IGSF11: variants seen among roughly 807,000 people sequenced by gnomAD.
The protein encoded by IGSF11 is immunoglobulin superfamily member 11.
Under a neutral mutation model 41.0 loss-of-function variants are expected in IGSF11, and 22 were observed. The observed-to-expected ratio is 0.54, with a 90% CI of 0.38 to 0.77. The LOEUF is 0.77. IGSF11 is among the 30% of genes least tolerant of loss of function. The pLI, the probability that IGSF11 is intolerant of heterozygous loss-of-function variation, is 0.00. For missense variants in IGSF11, 444 were observed against 530.8 expected, an observed-to-expected ratio of 0.84 and a Z score of 1.61; for synonymous variants, 219 against 201.3, an observed-to-expected ratio of 1.09 and a Z score of -0.74.
chr3:118,942,955 CAA>C (rs1437045017), intron 1 of IGSF11: 2 of 152,304 alleles, frequency 1.3e-5, no homozygotes, highest in Admixed American at 1.3e-4. Context: ...AGTTCCTTGA[CAA>C]GAGGAGATGC....
At chr3:119,065,792 CAAAAAAAAAA>C (rs1193374379) in intron 1 of IGSF11, among the ~76,000 whole-genome samples, 2 of 56,742 alleles carry the variant, frequency 3.5e-5, no homozygotes, top group Non-Finnish European at 7.5e-5. Context: ...GACTCTGTCT[CAAAAAAAAAA>C]AAAAAAAAAA....
chr3:119,075,628 T>C (rs1044935551), intron 1 of IGSF11, among the ~76,000 whole-genome samples: 3 of 152,170 alleles, frequency 2.0e-5, no homozygotes, highest in Non-Finnish European at 2.9e-5. Context: ...CTAATCCCAC[T>C]GTAATCAAGT....
chr3:119,079,798 C>T (rs751681519), intron 1 of IGSF11, among the ~76,000 whole-genome samples: 3 of 152,108 alleles, frequency 2.0e-5, no homozygotes, highest in African/African-American at 2.4e-5. Flanking sequence ...CATCAAATAC[C>T]GCATGTTCTC....
intron 1 of IGSF11, among the ~76,000 whole-genome samples, chr3:119,055,279 T>A (rs1485441090): frequency 1.3e-5 from 2 of 151,970 alleles, no homozygotes; most frequent in Admixed American, 6.6e-5. Context: ...CCTCTCCTCC[T>A]CCAAAGGAAT....
At chr3:119,070,198 C>G (rs2076374224) in intron 1 of IGSF11, among the ~76,000 whole-genome samples, 1 of 152,142 alleles carries the variant, frequency 6.6e-6, no homozygotes, top group African/African-American at 2.4e-5. Context: ...TAACCCCAGG[C>G]CCTCAGCAAG....
chr3:119,035,124 C>A (rs1197474555), upstream of IGSF11, among the ~76,000 whole-genome samples: 1 of 152,184 alleles, frequency 6.6e-6, no homozygotes, highest in African/African-American at 2.4e-5. Context: ...GGAGTTAGGG[C>A]CCCTCCCTTG....
intron 1 of IGSF11, among the ~76,000 whole-genome samples, chr3:118,971,596 G>A (rs35873): frequency 6.6e-6 from 1 of 151,894 alleles, no homozygotes; most frequent in Admixed American, 6.6e-5. Context: ...CGAGGTCAGG[G>A]GTTCAAGACC....
At chr3:119,050,662 T>C (rs1278861560) in intron 1 of IGSF11, among the ~76,000 whole-genome samples, 35 of 152,008 alleles carry the variant, frequency 2.3e-4, no homozygotes, top group African/African-American at 7.0e-4. Flanking sequence ...ACCCAAAGGG[T>C]TATAAATCAT....
chr3:118,980,614 G>A (rs76583410), intron 1 of IGSF11, among the ~76,000 whole-genome samples: 3,672 of 152,274 alleles, frequency 0.024, 77 homozygotes, highest in East Asian at 0.066. Context: ...ATGTTTGATA[G>A]CAGAGTAGTG....
chr3:119,130,489 G>A (rs1465949133), intron 1 of IGSF11, among the ~76,000 whole-genome samples: 1 of 152,230 alleles, frequency 6.6e-6, no homozygotes. Context: ...TTGCAAGGCT[G>A]CAGCCTGGCG....
intron 1 of IGSF11, among the ~76,000 whole-genome samples, chr3:119,126,498 C>T (rs2077406735): frequency 6.6e-6 from 1 of 152,208 alleles, no homozygotes; most frequent in Non-Finnish European, 1.5e-5. Context: ...CCCCACAAAA[C>T]ACACCCTCTC....
At chr3:119,041,162 T>C (rs1941106100) in intron 1 of IGSF11, among the ~76,000 whole-genome samples, 1 of 152,180 alleles carries the variant, frequency 6.6e-6, no homozygotes, top group South Asian at 2.1e-4. Context: ...ATCAATAAAA[T>C]GTTTAACAAA....
intron 4 of IGSF11, among the ~76,000 whole-genome samples, chr3:118,909,185 G>C (rs1236323878): frequency 2.0e-5 from 3 of 152,122 alleles, no homozygotes; most frequent in Non-Finnish European, 4.4e-5. Flanking sequence ...GATTTGAAGA[G>C]TTAGATAAGA....
chr3:118,929,721 A>G (rs959592534), intron 2 of IGSF11, among the ~76,000 whole-genome samples: 1 of 152,182 alleles, frequency 6.6e-6, no homozygotes, highest in Non-Finnish European at 1.5e-5. Flanking sequence ...TTAAAATACT[A>G]GTGAAATTAA....
At chr3:118,999,047 C>T (rs79873299) in intron 1 of IGSF11, among the ~76,000 whole-genome samples, 2,505 of 151,474 alleles carry the variant, frequency 0.017, 35 homozygotes, top group Middle Eastern at 0.027. Context: ...AATGGGGGTG[C>T]ACTGGGGAAT....
intron 1 of IGSF11, among the ~76,000 whole-genome samples, chr3:119,130,946 A>G (rs1576834439): frequency 1.3e-5 from 2 of 152,180 alleles, no homozygotes; most frequent in Non-Finnish European, 2.9e-5. Context: ...ACTCCAACAG[A>G]CCTGCAGCTG....
chr3:119,125,745 T>G (rs2077395637), intron 1 of IGSF11, among the ~76,000 whole-genome samples: 2 of 152,036 alleles, frequency 1.3e-5, no homozygotes, highest in African/African-American at 2.4e-5. Flanking sequence ...TCATCAAAAT[T>G]GAGTAGAAGG....
chr3:119,000,954 T>C (rs1360506320), intron 1 of IGSF11, among the ~76,000 whole-genome samples: 1 of 152,204 alleles, frequency 6.6e-6, no homozygotes, highest in Non-Finnish European at 1.5e-5. Flanking sequence ...CTGTCTGCTC[T>C]TTCATTGCCC....
intron 1 of IGSF11, among the ~76,000 whole-genome samples, chr3:119,059,021 G>T (rs1202614720): frequency 6.6e-6 from 1 of 151,676 alleles, no homozygotes. Flanking sequence ...TATACCTAAT[G>T]CTAGATGACG....
Sources: gnomAD v4.1 joint callset for allele counts (sites outside exome capture counted in the v4.1 genomes callset) on GRCh38, gnomAD v4.1.1 for gene constraint, MANE v1.5 for transcripts, NCBI Gene and HGNC (gene_info 2026-07-23, HGNC 2026-07-21) for gene names.